Variants in ZNG1A observed in about 807,000 individuals in gnomAD.
ZNG1A encodes the protein zinc-regulated GTPase metalloprotein activator 1A.
At chr9:139,946 T>C in the ZNG1A span, among the ~76,000 whole-genome samples, 1 of 150,492 alleles carries the variant, frequency 6.6e-6, no homozygotes, top group African/African-American at 2.5e-5. Context: ...AATACTGCGC[T>C]TTTCCGATGG....
At chr9:140,448 A>G in the ZNG1A span, among the ~76,000 whole-genome samples, 252 of 149,400 alleles carry the variant, frequency 1.7e-3, 3 homozygotes, top group South Asian at 3.2e-3. Flanking sequence ...CTGCAGCTGA[A>G]GGTCGTGTCT....
the ZNG1A span, chr9:154,697 A>T: frequency 1.3e-6 from 2 of 1,587,120 alleles, no homozygotes; most frequent in Non-Finnish European, 8.6e-7. Context: ...TAACACACTT[A>T]TCATTTCGTA....
chr9:143,016 G>C, the ZNG1A span, among the ~76,000 whole-genome samples: 6,022 of 143,718 alleles, frequency 0.042, 187 homozygotes, highest in African/African-American at 0.084. Context: ...TCTCTGAATA[G>C]ACCAATAACA....
the ZNG1A span, among the ~76,000 whole-genome samples, chr9:145,209 A>C: frequency 6.6e-6 from 1 of 151,956 alleles, no homozygotes; most frequent in African/African-American, 2.4e-5. Context: ...ATATACCCTA[A>C]AGGACTATAA....
the ZNG1A span, among the ~76,000 whole-genome samples, chr9:143,180 C>A: frequency 6.7e-6 from 1 of 149,224 alleles, no homozygotes; most frequent in Admixed American, 6.7e-5. Flanking sequence ...GGGAATACTC[C>A]CTAACTCATT....
At chr9:154,974 C>T in the ZNG1A span, among the ~76,000 whole-genome samples, 24 of 152,048 alleles carry the variant, frequency 1.6e-4, no homozygotes, top group East Asian at 3.9e-4. Context: ...ACTCCTAATC[C>T]GCTAATTTTT....
chr9:136,856 A>G, the ZNG1A span, among the ~76,000 whole-genome samples: 3 of 152,016 alleles, frequency 2.0e-5, no homozygotes, highest in Non-Finnish European at 4.4e-5. Context: ...TGAGCAACGT[A>G]GCGAGAGCCT....
chr9:175,312 A>AGGGAGACAGG, the ZNG1A span, among the ~76,000 whole-genome samples: 1 of 151,754 alleles, frequency 6.6e-6, no homozygotes, highest in Non-Finnish European at 1.5e-5. Context: ...CAGGAGACAG[A>AGGGAGACAGG]GGTGGCAGTG....
At chr9:151,387 A>G in the ZNG1A span, 4 of 974,780 alleles carry the variant, frequency 4.1e-6, no homozygotes, top group East Asian at 1.2e-4. Flanking sequence ...TGAGCCTCAG[A>G]GCTCCTGGCT....
At chr9:177,682 C>A in the ZNG1A span, 7 of 1,282,118 alleles carry the variant, frequency 5.5e-6, no homozygotes, top group Non-Finnish European at 7.6e-6. Context: ...ATTCTCACTC[C>A]TGAGCTTCAG....
At chr9:157,280 T>C in the ZNG1A span, among the ~76,000 whole-genome samples, 1 of 148,696 alleles carries the variant, frequency 6.7e-6, no homozygotes, top group Non-Finnish European at 1.5e-5. Context: ...GCAAGCTTTG[T>C]TGTCTGTTTT....
chr9:139,459 G>C, the ZNG1A span, among the ~76,000 whole-genome samples: 2 of 150,628 alleles, frequency 1.3e-5, no homozygotes, highest in African/African-American at 4.9e-5. Flanking sequence ...CATGCCTATA[G>C]TTAGCAATAC....
At chr9:137,491 A>G in the ZNG1A span, among the ~76,000 whole-genome samples, 1 of 152,166 alleles carries the variant, frequency 6.6e-6, no homozygotes, top group Admixed American at 6.5e-5. Context: ...CAAATTAAAA[A>G]TACAGTTCTA....
the ZNG1A span, among the ~76,000 whole-genome samples, chr9:130,125 A>T: frequency 3.3e-5 from 5 of 151,140 alleles, no homozygotes; most frequent in Admixed American, 1.3e-4. Flanking sequence ...GCGGTGCATG[A>T]CTATACTTAT....
the ZNG1A span, among the ~76,000 whole-genome samples, chr9:140,149 G>A: frequency 4.0e-5 from 6 of 151,250 alleles, no homozygotes; most frequent in Admixed American, 3.9e-4. Context: ...CTCGAACTGG[G>A]TGGAGCCCAC....
At chr9:150,556 A>G in the ZNG1A span, 4 of 982,992 alleles carry the variant, frequency 4.1e-6, no homozygotes, top group Non-Finnish European at 4.8e-6. Flanking sequence ...ATTGAAAAGG[A>G]TTCTAATGCA....
chr9:156,588 C>G, the ZNG1A span: 2 of 1,553,142 alleles, frequency 1.3e-6, no homozygotes, highest in African/African-American at 1.4e-5. Flanking sequence ...AATGTCAACA[C>G]AAAGGATTTT....
the ZNG1A span, among the ~76,000 whole-genome samples, chr9:135,213 A>T: frequency 0.081 from 11,711 of 143,858 alleles, 761 homozygotes; most frequent in African/African-American, 0.15. Context: ...TAAGTTTTTT[A>T]AAAATTTCTT....
the ZNG1A span, chr9:146,299 T>A: frequency 1.5e-6 from 1 of 681,292 alleles, no homozygotes. Flanking sequence ...TGAATCACAG[T>A]TGAATCAAGA....
Sources: gnomAD v4.1 joint callset for allele counts (sites outside exome capture counted in the v4.1 genomes callset) on GRCh38, gnomAD v4.1.1 for gene constraint, MANE v1.5 for transcripts, NCBI Gene and HGNC (gene_info 2026-07-23, HGNC 2026-07-21) for gene names.